The following PAH variants were observed in gnomAD, a reference collection of about 807,000 sequenced individuals.
PAH encodes the protein phenylalanine-4-hydroxylase.
In PAH, 64 loss-of-function variants were observed where a neutral mutation model predicts 62.0. The observed-to-expected ratio is 1.03, with a 90% CI of 0.84 to 1.27. The LOEUF is 1.27. PAH is among the 50% of genes most tolerant of loss of function. The pLI, the probability that PAH is intolerant of heterozygous loss-of-function variation, is 0.00. For missense variants in PAH, 579 were observed against 542.8 expected (o/e 1.07, Z -0.66); for synonymous variants, 195 against 196.2 (o/e 0.99, Z 0.05).
upstream of PAH, among the ~76,000 whole-genome samples, chr12:102,955,763 T>C (rs1879892193): frequency 6.6e-6 from 1 of 152,090 alleles, no homozygotes; most frequent in Non-Finnish European, 1.5e-5. Flanking sequence ...GCCCTTTCCT[T>C]GGTCAGGGAT....
chr12:102,902,960 A>T (rs1877819756), intron 2 of PAH, among the ~76,000 whole-genome samples: 1 of 152,236 alleles, frequency 6.6e-6, no homozygotes, highest in Admixed American at 6.5e-5. Context: ...GGAGAAAGCC[A>T]GGGTTGCAGC....
At chr12:102,943,698 T>A (rs1254064987) in intron 1 of PAH, among the ~76,000 whole-genome samples, 2 of 152,286 alleles carry the variant, frequency 1.3e-5, no homozygotes, top group East Asian at 3.8e-4. Context: ...AAGGAAAATG[T>A]ACGACATATA....
chr12:102,856,150 T>C (rs1253019210), intron 5 of PAH, among the ~76,000 whole-genome samples: 1 of 150,930 alleles, frequency 6.6e-6, no homozygotes, highest in African/African-American at 2.5e-5. Flanking sequence ...AATATATAAA[T>C]CCATGCTAAG....
At chr12:102,863,925 A>G (rs1238564709) in intron 5 of PAH, among the ~76,000 whole-genome samples, 2 of 152,158 alleles carry the variant, frequency 1.3e-5, no homozygotes, top group African/African-American at 4.8e-5. Flanking sequence ...CTGCTGTAGC[A>G]GCCTTCTAGA....
At chr12:102,900,666 G>A (rs983005647) in intron 2 of PAH, among the ~76,000 whole-genome samples, 11 of 152,024 alleles carry the variant, frequency 7.2e-5, no homozygotes, top group Non-Finnish European at 8.8e-5. Flanking sequence ...TTCCTTATTG[G>A]CGTCTTTCTA....
At chr12:102,867,152 T>G (rs1565853787) in intron 4 of PAH, among the ~76,000 whole-genome samples, 1 of 152,212 alleles carries the variant, frequency 6.6e-6, no homozygotes, top group African/African-American at 2.4e-5. Flanking sequence ...TACTAGGAAC[T>G]GATTTTACAT....
chr12:102,853,590 T>G (rs954986427), intron 6 of PAH, among the ~76,000 whole-genome samples: 5 of 152,226 alleles, frequency 3.3e-5, no homozygotes, highest in Admixed American at 1.3e-4. Flanking sequence ...GGCAGGTAAG[T>G]TTACCTAATT....
At chr12:102,949,943 T>C (rs1879674886) in intron 1 of PAH, among the ~76,000 whole-genome samples, 1 of 152,210 alleles carries the variant, frequency 6.6e-6, no homozygotes, top group African/African-American at 2.4e-5. Context: ...TCTGATTAGG[T>C]TTCATAGTTA....
chr12:102,909,419 G>T (rs1878116736), intron 2 of PAH, among the ~76,000 whole-genome samples: 1 of 151,942 alleles, frequency 6.6e-6, no homozygotes, highest in African/African-American at 2.4e-5. Context: ...ATTAAGGAAA[G>T]GTTTGTTTTA....
intron 2 of PAH, among the ~76,000 whole-genome samples, chr12:102,899,858 CAAAAAAAAAAAAAA>C (rs1166069532): frequency 2.1e-4 from 2 of 9,538 alleles, no homozygotes; most frequent in Non-Finnish European, 4.0e-4. Flanking sequence ...GACTCCGTCT[CAAAAAAAAAAAAAA>C]AAAAAAAAAA....
chr12:102,841,722 A>T (rs958959968), intron 11 of PAH, among the ~76,000 whole-genome samples: 7 of 152,140 alleles, frequency 4.6e-5, no homozygotes, highest in Admixed American at 3.3e-4. Context: ...CACATCTGTG[A>T]TTTTGCCTGC....
Position 102,837,300 on chromosome 12 carries a change from G to GCTCATTAA in PAH, c.*1867_*1874dup, listed in dbSNP as rs1246089873. On this transcript the variant is annotated 3_prime_UTR_variant, in exon 13 of 13. Coordinates refer to ENST00000553106, the MANE Select transcript of PAH (RefSeq NM_000277.3). ...AACTTAACCGAAACTTTACCTTCAA[G>GCTCATTAA]CTCATTAAAACATCTTTACTGGACT... The GCTCATTAA allele has an allele frequency of 1.3e-5, 2 of 152,094 alleles. No homozygotes were observed. The highest frequency in any genetic ancestry group is 2.4e-5 in the African/African-American group (1 of 41,424). 9.4% of individuals were successfully genotyped at this position (152,094 alleles called of 1,614,324 possible).
intron 1 of PAH, among the ~76,000 whole-genome samples, chr12:102,939,057 C>T (rs1879202496): frequency 6.6e-6 from 1 of 152,080 alleles, no homozygotes; most frequent in African/African-American, 2.4e-5. Context: ...CATGCCTCAG[C>T]CACCATACAG....
chr12:102,872,557 A>G (rs1876390370), intron 4 of PAH, among the ~76,000 whole-genome samples: 1 of 152,242 alleles, frequency 6.6e-6, no homozygotes, highest in East Asian at 1.9e-4. Flanking sequence ...GGTGGGCAAA[A>G]GGAAGAGAAA....
At chr12:102,953,417 T>G (rs1435363254), upstream of PAH, 1 of 152,250 alleles carries the variant, frequency 6.6e-6, no homozygotes, top group African/African-American at 2.4e-5. Flanking sequence ...ATATCTTCTT[T>G]TTACAGAGAG....
At chr12:102,890,769 T>A (rs1374209150) in intron 3 of PAH, among the ~76,000 whole-genome samples, 1 of 152,200 alleles carries the variant, frequency 6.6e-6, no homozygotes, top group Non-Finnish European at 1.5e-5. Flanking sequence ...TTTTATTACA[T>A]GATGCCTCTA....
intron 3 of PAH, among the ~76,000 whole-genome samples, chr12:102,889,446 GAT>G (rs1877181879): frequency 7.1e-6 from 1 of 141,748 alleles, no homozygotes; most frequent in Admixed American, 7.1e-5. Context: ...TAGATAGATA[GAT>G]AGATGATAGA....
upstream of PAH, among the ~76,000 whole-genome samples, chr12:102,917,880 A>G (rs891835404): frequency 2.6e-5 from 4 of 152,248 alleles, no homozygotes; most frequent in Non-Finnish European, 5.9e-5. Flanking sequence ...AAAGAAATGC[A>G]TTAAAATTTA....
chr12:102,849,066 C>T (rs1056520160), intron 8 of PAH, among the ~76,000 whole-genome samples: 5 of 152,114 alleles, frequency 3.3e-5, no homozygotes, highest in Admixed American at 6.6e-5. Context: ...AGGAGGCTAC[C>T]GCAGTCACTA....
Sources: gnomAD v4.1 joint callset for allele counts (sites outside exome capture counted in the v4.1 genomes callset) on GRCh38, gnomAD v4.1.1 for gene constraint, MANE v1.5 for transcripts, NCBI Gene and HGNC (gene_info 2026-07-23, HGNC 2026-07-21) for gene names.